SNX30: variants seen among roughly 807,000 people sequenced by gnomAD.
SNX30 encodes sorting nexin family member 30.
A neutral mutation model predicts 46.4 loss-of-function variants in SNX30; 24 were observed. The ratio of observed to expected loss-of-function variants is 0.52; its 90% CI spans 0.37 to 0.73. The LOEUF (loss-of-function observed/expected upper bound fraction) is 0.73. Ranked by LOEUF, SNX30 falls within the 30% of genes least tolerant of loss-of-function variation. SNX30 has a pLI of 0.00. For synonymous variants in SNX30, 189 were observed against 211.5 expected (o/e 0.89, Z 0.92); for missense variants, 533 against 555.7 (o/e 0.96, Z 0.41).
At chr9:112,832,495 T>A (rs56796342) in intron 4 of SNX30, among the ~76,000 whole-genome samples, 123,014 of 135,332 alleles carry the variant, frequency 0.91, 55,644 homozygotes, top group Admixed American at 0.94. Context: ...TGTGTGTGTG[T>A]GAGAGAGAGA....
intron 1 of SNX30, among the ~76,000 whole-genome samples, chr9:112,751,990 C>T (rs552984951): frequency 6.6e-6 from 1 of 152,206 alleles, no homozygotes; most frequent in Admixed American, 6.5e-5. Flanking sequence ...ATTGTATCCC[C>T]GCTCCTGCCG....
At chr9:112,774,678 T>C (rs1348702652) in intron 1 of SNX30, among the ~76,000 whole-genome samples, 1 of 152,158 alleles carries the variant, frequency 6.6e-6, no homozygotes, top group Non-Finnish European at 1.5e-5. Flanking sequence ...TATCTCATTG[T>C]GGTTATAATT....
chr9:112,762,475 C>T (rs1839456932), intron 1 of SNX30, among the ~76,000 whole-genome samples: 1 of 152,086 alleles, frequency 6.6e-6, no homozygotes, highest in African/African-American at 2.4e-5. Flanking sequence ...AAGAGAGACA[C>T]ATCAACAGAT....
chr9:112,813,560 C>G (rs2131415359), intron 2 of SNX30, among the ~76,000 whole-genome samples: 1 of 150,988 alleles, frequency 6.6e-6, no homozygotes, highest in East Asian at 2.0e-4. Flanking sequence ...CCTCTGCCTC[C>G]CAGGTTCAAG....
intron 7 of SNX30, among the ~76,000 whole-genome samples, chr9:112,859,218 T>C (rs1841187834): frequency 6.6e-6 from 1 of 152,214 alleles, no homozygotes; most frequent in African/African-American, 2.4e-5. Context: ...CTCAGTGTAA[T>C]GTCCTTGGTT....
At chr9:112,859,669 T>C (rs907979734) in intron 7 of SNX30, among the ~76,000 whole-genome samples, 1 of 152,132 alleles carries the variant, frequency 6.6e-6, no homozygotes, top group African/African-American at 2.4e-5. Context: ...TAGAGTGCAG[T>C]GGCGTGATCT....
At chr9:112,865,657 ATATATG>A (rs1440695845) in intron 8 of SNX30, among the ~76,000 whole-genome samples, 6 of 81,418 alleles carry the variant, frequency 7.4e-5, no homozygotes, top group African/African-American at 3.1e-4. Context: ...ATATATATAT[ATATATG>A]TATGTATGTA....
intron 1 of SNX30, among the ~76,000 whole-genome samples, chr9:112,759,633 G>T (rs903734190): frequency 3.3e-5 from 5 of 152,080 alleles, no homozygotes; most frequent in African/African-American, 1.2e-4. Flanking sequence ...GGAGGCTGAG[G>T]CAGGAGAATC....
At chr9:112,776,763 T>C (rs1264688897) in intron 1 of SNX30, among the ~76,000 whole-genome samples, 1 of 152,230 alleles carries the variant, frequency 6.6e-6, no homozygotes, top group Non-Finnish European at 1.5e-5. Context: ...TCTAGGTCTT[T>C]GGAACTGCTC....
intron 1 of SNX30, among the ~76,000 whole-genome samples, chr9:112,792,298 G>A (rs956936881): frequency 1.3e-5 from 2 of 152,128 alleles, no homozygotes; most frequent in Non-Finnish European, 2.9e-5. Flanking sequence ...TTCCTAGAAA[G>A]CCAGCTAGCT....
rs1400029579 is a variant in SNX30, at chr9:112,871,439, T to C, written c.*2596T>C. 6.6e-6 allele frequency: 1 copy of C among 152,110 alleles called. No individual in the cohort carries two copies. Among genetic ancestry groups the C allele is most frequent in the African/African-American group, 2.4e-5 (1 of 41,422 alleles). 9.4% of individuals were successfully genotyped at this position (152,110 alleles called of 1,614,324 possible). ...GTTTTGACCAAGCACAAAAGAGATA[T>C]TCCCTAGAAGTGTCACACGGAGGCT... On this transcript the variant is annotated 3_prime_UTR_variant, in exon 9 of 9. Transcript: ENST00000374232.
rs952666215 is a variant in SNX30, at chr9:112,751,040, G to T, written c.39G>T (p.Gly13=). The change falls in exon 1 of 9, where the codon GGG becomes GGT. Residue 13 remains glycine, a synonymous_variant. Coordinates refer to ENST00000374232, the MANE Select transcript of SNX30 (RefSeq NM_001012994.2). The stretch of plus-strand genomic sequence containing the variant: ...CCCCCAAGGCCCTGCCGTCCACGGG[G>T]CCCCACTCCCTGCGCGACATGCCGC... ...GGPPKALPST[G]PHSLRDMPHP... 4 of 1,480,374 alleles carry T rather than the reference G, an allele frequency of 2.7e-6. No individual in the cohort carries two copies. The highest frequency in any genetic ancestry group is 2.9e-5 in the East Asian group (1 of 34,670). The allele number at this position is 1,480,374 out of a possible 1,614,324, so 91.7% of individuals were successfully genotyped here.
rs559710419 is a variant in SNX30 at position 112,830,939 on chromosome 9, C to T, written c.618+56C>T. ...CATATTACCATTCTTGGGGCTCTTT[C>T]CTAAAAGCTGTTTTGAGCAGGACTC... On this transcript the variant is annotated intron_variant, in intron 4 of 8. Coordinates refer to ENST00000374232, the MANE Select transcript of SNX30 (RefSeq NM_001012994.2). 7 of 1,521,502 alleles carry T rather than the reference C, an allele frequency of 4.6e-6. No homozygotes were observed. In the South Asian group the frequency reaches 9.1e-5, roughly 20 times the overall value. The allele number at this position is 1,521,502 out of a possible 1,614,324, so 94.3% of individuals were successfully genotyped here.
At chr9:112,830,196 G>A (rs1303887863) in intron 3 of SNX30, among the ~76,000 whole-genome samples, 1 of 152,062 alleles carries the variant, frequency 6.6e-6, no homozygotes, top group African/African-American at 2.4e-5. Context: ...AATAACTTTT[G>A]AGTATAAACC....
At chr9:112,866,788 G>A (rs970393422) in intron 8 of SNX30, among the ~76,000 whole-genome samples, 4 of 129,250 alleles carry the variant, frequency 3.1e-5, no homozygotes, top group African/African-American at 1.2e-4. Context: ...TACCTCCTCA[G>A]AATTCCTCCC....
chr9:112,797,711 C>CTTTTTTTT (rs71384277), intron 1 of SNX30, among the ~76,000 whole-genome samples: 101 of 121,294 alleles, frequency 8.3e-4, no homozygotes, highest in African/African-American at 9.4e-4. Context: ...TTTTCTTTTT[C>CTTTTTTTT]TTTTTTTTTT....
chr9:112,850,978 C>G, intron 7 of SNX30, 33 bp downstream of exon 7: 1 of 1,529,906 alleles, frequency 6.5e-7, no homozygotes, highest in Non-Finnish European at 9.1e-7. Context: ...GGCTGCAAAG[C>G]TGTAGTCTCC....
intron 6 of SNX30, among the ~76,000 whole-genome samples, chr9:112,850,642 T>C (rs1263786046): frequency 6.6e-6 from 1 of 152,254 alleles, no homozygotes; most frequent in Admixed American, 6.5e-5. Context: ...GTTACTTTAC[T>C]AGAAACTCCA....
At chr9:112,851,820 T>G (rs1218600049) in intron 7 of SNX30, among the ~76,000 whole-genome samples, 2 of 151,972 alleles carry the variant, frequency 1.3e-5, no homozygotes, top group Non-Finnish European at 2.9e-5. Context: ...TCATAGCGGG[T>G]GGAAGTGAGG....
Sources: allele counts gnomAD v4.1 joint callset (sites outside exome capture counted in the v4.1 genomes callset), GRCh38; gene constraint gnomAD v4.1.1; transcripts MANE v1.5; gene names NCBI Gene and HGNC (gene_info 2026-07-23, HGNC 2026-07-21).